Variants in S100Z observed in about 807,000 individuals in gnomAD.
S100Z encodes S100 calcium binding protein Z.
A neutral mutation model predicts 8.5 loss-of-function variants in S100Z; 11 were observed. The observed-to-expected ratio is 1.30, with a 90% CI of 0.82 to 2.15. The LOEUF (loss-of-function observed/expected upper bound fraction) is 2.15, where lower values mean the gene tolerates loss of function less well. Ranked by LOEUF, S100Z falls within the 30% of genes most tolerant of loss-of-function variation. The pLI, the probability that S100Z is intolerant of heterozygous loss-of-function variation, is 0.00. For missense variants in S100Z, 126 were observed against 117.9 expected (o/e 1.07, Z -0.32); for synonymous variants, 34 against 43.8 (o/e 0.78, Z 0.89).
chr5:76,876,273 CT>C (rs1743189784), intron 3 of S100Z, among the ~76,000 whole-genome samples: 1 of 152,058 alleles, frequency 6.6e-6, no homozygotes, highest in Non-Finnish European at 1.5e-5. Context: ...GGGAAAAGCT[CT>C]ATAAAGTATT....
the S100Z span, among the ~76,000 whole-genome samples, chr5:76,938,973 T>G: frequency 7.2e-5 from 11 of 152,302 alleles, no homozygotes; most frequent in South Asian, 1.9e-3. Context: ...GACCACCTAT[T>G]ATGACAGCTC....
the S100Z span, among the ~76,000 whole-genome samples, chr5:76,937,061 G>A: frequency 3.3e-5 from 5 of 152,014 alleles, no homozygotes; most frequent in African/African-American, 7.2e-5. Context: ...AGCAAATCCC[G>A]GCTGCAGAGC....
intron 1 of S100Z, among the ~76,000 whole-genome samples, chr5:76,866,784 A>G (rs940073080): frequency 2.0e-5 from 3 of 152,206 alleles, no homozygotes; most frequent in African/African-American, 7.2e-5. Flanking sequence ...TGTTCACACA[A>G]TGACAAAATC....
At chr5:76,880,720 G>C (rs1743376184) in intron 4 of S100Z, among the ~76,000 whole-genome samples, 1 of 152,174 alleles carries the variant, frequency 6.6e-6, no homozygotes. Flanking sequence ...AGGGAGTTCA[G>C]CATAATTATT....
chr5:76,930,582 G>C, the S100Z span, among the ~76,000 whole-genome samples: 3 of 152,254 alleles, frequency 2.0e-5, no homozygotes, highest in African/African-American at 7.2e-5. Context: ...TCAATCCTCA[G>C]CAAGAAGTTC....
At chr5:76,906,999 T>C (rs1308057402) in intron 4 of S100Z, among the ~76,000 whole-genome samples, 2 of 16,816 alleles carry the variant, frequency 1.2e-4, no homozygotes, top group African/African-American at 4.0e-4. Context: ...TATATATATA[T>C]ATATATATAT....
intron 4 of S100Z, among the ~76,000 whole-genome samples, chr5:76,888,825 T>C (rs1051164143): frequency 6.6e-6 from 1 of 152,174 alleles, no homozygotes; most frequent in Non-Finnish European, 1.5e-5. Flanking sequence ...AGAAACTGGG[T>C]CCACCCAACA....
chr5:76,949,395 A>T, the S100Z span, among the ~76,000 whole-genome samples: 1 of 152,094 alleles, frequency 6.6e-6, no homozygotes, highest in Non-Finnish European at 1.5e-5. Flanking sequence ...TCTCAAAAAA[A>T]AAATAATGAA....
At chr5:76,926,145 T>G (rs73764789), downstream of S100Z, among the ~76,000 whole-genome samples, 5,190 of 152,186 alleles carry the variant, frequency 0.034, 289 homozygotes, top group African/African-American at 0.12. Flanking sequence ...GAAGCTTGTT[T>G]TTTTTTCTGA....
intron 4 of S100Z, among the ~76,000 whole-genome samples, chr5:76,907,008 A>G (rs1288031627): frequency 7.4e-4 from 15 of 20,332 alleles, no homozygotes; most frequent in African/African-American, 2.1e-3. Flanking sequence ...ATATATATAT[A>G]TATATATATA....
At chr5:76,863,591 T>G (rs541938860) in intron 1 of S100Z, among the ~76,000 whole-genome samples, 1 of 152,184 alleles carries the variant, frequency 6.6e-6, no homozygotes, top group Admixed American at 6.5e-5. Context: ...CAGGCTGGAG[T>G]GCAGTGGCGC....
At chr5:76,906,116 C>T (rs1336618209) in intron 4 of S100Z, among the ~76,000 whole-genome samples, 35 of 152,220 alleles carry the variant, frequency 2.3e-4, no homozygotes, top group Non-Finnish European at 1.5e-5. Flanking sequence ...AGGCATCAGC[C>T]ACCACACCCA....
At chr5:76,868,559 A>G (rs1742871645) in intron 1 of S100Z, among the ~76,000 whole-genome samples, 2 of 151,730 alleles carry the variant, frequency 1.3e-5, no homozygotes, top group African/African-American at 4.8e-5. Flanking sequence ...TACTGATTTT[A>G]GTGCATCTAT....
chr5:76,877,945 TC>T (rs768276096), intron 4 of S100Z, 111 bp downstream of exon 4: 9 of 615,540 alleles, frequency 1.5e-5, no homozygotes, highest in Non-Finnish European at 2.5e-5. Context: ...AGCTATAATA[TC>T]CAGTGCATAT....
At chr5:76,906,988 A>G (rs1227098172) in intron 4 of S100Z, among the ~76,000 whole-genome samples, 12 of 12,268 alleles carry the variant, frequency 9.8e-4, no homozygotes, top group South Asian at 1.9e-3. Context: ...ATATATATAT[A>G]TATATATATA....
chr5:76,894,161 A>C (rs1743956768), intron 4 of S100Z, among the ~76,000 whole-genome samples: 1 of 152,236 alleles, frequency 6.6e-6, no homozygotes, highest in African/African-American at 2.4e-5. Flanking sequence ...CTTCATCTGC[A>C]TAGTAAAACT....
At chr5:76,874,886 ATT>A (rs1743124143) in intron 2 of S100Z, among the ~76,000 whole-genome samples, 1 of 151,420 alleles carries the variant, frequency 6.6e-6, no homozygotes, top group Non-Finnish European at 1.5e-5. Flanking sequence ...TATTATTATT[ATT>A]AATTTTTTTT....
At chr5:76,899,607 C>T (rs770893397) in intron 4 of S100Z, among the ~76,000 whole-genome samples, 1 of 152,114 alleles carries the variant, frequency 6.6e-6, no homozygotes, top group African/African-American at 2.4e-5. Flanking sequence ...TTTGTATAAA[C>T]AAACAAGCAA....
chr5:76,899,788 C>T (rs1431076785), intron 4 of S100Z, among the ~76,000 whole-genome samples: 1 of 152,162 alleles, frequency 6.6e-6, no homozygotes, highest in Non-Finnish European at 1.5e-5. Context: ...TTATACACTA[C>T]AGTTGCAGTG....
Sources: gnomAD v4.1 joint callset for allele counts (sites outside exome capture counted in the v4.1 genomes callset) on GRCh38, gnomAD v4.1.1 for gene constraint, MANE v1.5 for transcripts, NCBI Gene and HGNC (gene_info 2026-07-23, HGNC 2026-07-21) for gene names.